USH2A: variants seen among roughly 807,000 people sequenced by gnomAD.
The protein encoded by USH2A is usherin, also known as Usher syndrome 2A (autosomal recessive, mild).
Under a neutral mutation model 538.9 loss-of-function variants are expected in USH2A, and 443 were observed. The observed-to-expected ratio is 0.82, with a 90% confidence interval of 0.76 to 0.89. USH2A has a LOEUF of 0.89. Among genes scored for constraint, USH2A ranks in the 40% least tolerant of loss-of-function variants. The pLI is 0.00. For missense variants in USH2A, 6,633 were observed against 6,324.8 expected (o/e 1.05, Z -1.65); for synonymous variants, 2,413 against 2,273.5 (o/e 1.06, Z -1.75).
intron 21 of USH2A, among the ~76,000 whole-genome samples, chr1:216,148,319 TTAAC>T (rs1243821558): frequency 2.1e-4 from 32 of 151,940 alleles, no homozygotes; most frequent in Admixed American, 7.9e-4. Flanking sequence ...CTGAGACACT[TTAAC>T]TAAATTATCT....
chr1:216,261,193 A>G (rs922664001), intron 11 of USH2A, among the ~76,000 whole-genome samples: 4 of 152,162 alleles, frequency 2.6e-5, no homozygotes, highest in Non-Finnish European at 5.9e-5. Context: ...AGAAATCATC[A>G]ACTAATAACA....
At position 215,640,562 on chromosome 1, in the gene USH2A, G is replaced by T. The variant is rs1478765887; in HGVS notation, c.14964C>A (p.Asp4988Glu). The change falls in exon 68 of 72, where the codon GAC becomes GAA. Residue 4988 changes from aspartate (D) to glutamate (E), a missense_variant. Asp to Glu is a conservative substitution (Grantham distance 45). Coordinates refer to ENST00000307340, the MANE Select transcript of USH2A (RefSeq NM_206933.4). Reference protein sequence around the residue: ...DTTLYIPRTADKTFFFQVICT... With the variant: ...DTTLYIPRTAEKTFFFQVICT... ...AAACAGGAGTCAGAAACTAACTTTT[G>T]TCCGCCGTTCTCGGTATGTAGAGGG... 2 of 1,613,694 alleles carry T rather than the reference G, an allele frequency of 1.2e-6. No homozygotes were observed. The highest frequency in any genetic ancestry group is 8.5e-7 in the Non-Finnish European group (1 of 1,179,974).
intron 14 of USH2A, among the ~76,000 whole-genome samples, chr1:216,224,372 T>C (rs1405896713): frequency 6.6e-6 from 1 of 152,212 alleles, no homozygotes; most frequent in Non-Finnish European, 1.5e-5. Context: ...ACAAACACTA[T>C]ATACTTTTTT....
chr1:215,919,854 G>A (rs748318119), intron 38 of USH2A, among the ~76,000 whole-genome samples: 1 of 151,956 alleles, frequency 6.6e-6, no homozygotes, highest in African/African-American at 2.4e-5. Flanking sequence ...AGATTTCAGA[G>A]TAGCCTGCAT....
intron 58 of USH2A, among the ~76,000 whole-genome samples, chr1:215,743,548 GC>G (rs1397623112): frequency 1.3e-5 from 2 of 150,838 alleles, no homozygotes. Context: ...TGTAATTGAG[GC>G]CGGGCGTGGT....
Position 216,422,261 on chromosome 1 carries a change from C to A in USH2A, c.76G>T (p.Ala26Ser). The change falls in exon 2 of 72, where the codon GCT (alanine) becomes TCT (serine). Residue 26 changes from alanine (A) to serine (S), a missense_variant. Transcript: ENST00000307340. ...VIEMLIFAYF[A>S]SISLTESRGL... The stretch of plus-strand genomic sequence containing the variant: ...CGTGACTCAGTCAAGGATATTGAAG[C>A]AAAATAGGCAAAGATCAACATTTCA... 6 of 1,613,558 alleles carry A rather than the reference C, an allele frequency of 3.7e-6. No homozygotes were observed. The highest frequency in any genetic ancestry group is 3.4e-6 in the Non-Finnish European group (4 of 1,179,796).
Position 215,674,253 on chromosome 1 carries a change from T to C in USH2A, c.13658A>G (p.Asp4553Gly), listed in dbSNP as rs1339493393. 6.2e-7 allele frequency: 1 copy of C among 1,613,976 alleles called. No individual in the cohort carries two copies. Among genetic ancestry groups the C allele is most frequent in the Admixed American group, 1.7e-5 (1 of 59,996 alleles). The change falls in exon 63 of 72, where the codon GAC (aspartate) becomes GGC (glycine). Residue 4553 changes from aspartate (D) to glycine (G), a missense_variant. Transcript: ENST00000307340. ...ATCACCATTTGTTCTCACTGGAGGGTCCCAGTTCACTAAGATCTCCTGAGG... is the reference window on the plus strand; with the variant it reads ...ATCACCATTTGTTCTCACTGGAGGGCCCCAGTTCACTAAGATCTCCTGAGG... The part of the protein sequence containing the change: ...RGPQEILVNW[D>G]PPVRTNGDII...
chr1:216,253,550 C>T (rs17597249), intron 11 of USH2A, among the ~76,000 whole-genome samples: 3,372 of 152,238 alleles, frequency 0.022, 58 homozygotes, highest in Middle Eastern at 0.12. Flanking sequence ...GCCTATGACC[C>T]TAATTCCATC....
At chr1:215,699,404 T>C (rs993639369) in intron 61 of USH2A, among the ~76,000 whole-genome samples, 1 of 152,232 alleles carries the variant, frequency 6.6e-6, no homozygotes, top group Non-Finnish European at 1.5e-5. Context: ...TAAATTACTT[T>C]GGGCAGTATG....
intron 44 of USH2A, among the ~76,000 whole-genome samples, chr1:215,855,529 C>T (rs756497572): frequency 6.6e-6 from 1 of 152,138 alleles, no homozygotes; most frequent in African/African-American, 2.4e-5. Flanking sequence ...ATCCCATATA[C>T]ATGGATGGGT....
intron 21 of USH2A, among the ~76,000 whole-genome samples, chr1:216,100,769 A>C (rs1478689515): frequency 3.9e-5 from 6 of 152,208 alleles, no homozygotes; most frequent in Admixed American, 2.0e-4. Flanking sequence ...ATAAATCAGT[A>C]AGAATTACAG....
At chr1:216,312,923 T>C (rs149803654) in intron 9 of USH2A, among the ~76,000 whole-genome samples, 3,792 of 152,272 alleles carry the variant, frequency 0.025, 70 homozygotes, top group Non-Finnish European at 0.042. Flanking sequence ...AAGGGAACTC[T>C]GGCAAACAGG....
At chr1:215,638,039 A>G (rs1237982124) in intron 69 of USH2A, among the ~76,000 whole-genome samples, 1 of 152,190 alleles carries the variant, frequency 6.6e-6, no homozygotes, top group Non-Finnish European at 1.5e-5. Flanking sequence ...CCGTTGAGCT[A>G]AATTACCCGA....
chr1:216,340,929 T>C (rs935861202), intron 4 of USH2A, among the ~76,000 whole-genome samples: 1 of 152,108 alleles, frequency 6.6e-6, no homozygotes, highest in Non-Finnish European at 1.5e-5. Flanking sequence ...CTTTGAAAAC[T>C]GGCACAAGAC....
At chr1:215,754,557 T>C (rs1660727522) in intron 58 of USH2A, among the ~76,000 whole-genome samples, 1 of 152,138 alleles carries the variant, frequency 6.6e-6, no homozygotes, top group Non-Finnish European at 1.5e-5. Flanking sequence ...TTAGCCAGTA[T>C]TTTGGCTTTA....
At chr1:216,209,688 C>T (rs868418897) in intron 15 of USH2A, among the ~76,000 whole-genome samples, 21 of 152,176 alleles carry the variant, frequency 1.4e-4, no homozygotes, top group African/African-American at 5.1e-4. Flanking sequence ...TGGCTCATAA[C>T]TTCCATAGCC....
chr1:215,698,908 T>C (rs1658907446), intron 61 of USH2A, among the ~76,000 whole-genome samples: 1 of 152,222 alleles, frequency 6.6e-6, no homozygotes, highest in Non-Finnish European at 1.5e-5. Context: ...CATGCCTATG[T>C]CCTGAATGGT....
Position 216,251,071 on chromosome 1 carries a change from G to A in USH2A, c.1999C>T (p.His667Tyr). The A allele has an allele frequency of 6.2e-7, 1 of 1,614,000 alleles. No individual in the cohort carries two copies. The highest frequency in any genetic ancestry group is 8.5e-7 in the Non-Finnish European group (1 of 1,179,978). Residue 667 changes from histidine (H) to tyrosine (Y), a missense_variant, in exon 12 of 72, where the codon CAC becomes TAC. Physicochemically the swap from His to Tyr is moderately conservative, Grantham distance 83. Coordinates refer to ENST00000307340, the MANE Select transcript of USH2A (RefSeq NM_206933.4). ...QIGGQCNCKR[H>Y]VSGRQCNQCQ... ...TGATTGCACTGCCTGCCAGACACGT[G>A]TCTCTTACAATTACACTGTCCTCCA...
Position 215,821,120 on chromosome 1 carries a change from C to T in USH2A, c.9372-3925G>A, listed in dbSNP as rs530304066. On this transcript the variant is annotated intron_variant, in intron 47 of 71. Coordinates refer to ENST00000307340, the MANE Select transcript of USH2A (RefSeq NM_206933.4). ...ATATACACCCAGTAGTGAATTGCTACATTATACAGTAGTTCAATTTTTAGT... is the reference window on the plus strand; with the variant it reads ...ATATACACCCAGTAGTGAATTGCTATATTATACAGTAGTTCAATTTTTAGT... 5.3e-5 allele frequency among the ~76,000 whole-genome samples: 8 copies of T among 151,764 alleles called. No individual in the cohort carries two copies. In the South Asian group the frequency reaches 1.0e-3, roughly 20 times the overall value.
Sources: allele counts gnomAD v4.1 joint callset (sites outside exome capture counted in the v4.1 genomes callset), GRCh38; gene constraint gnomAD v4.1.1; transcripts MANE v1.5; gene names NCBI Gene and HGNC (gene_info 2026-07-23, HGNC 2026-07-21).